Variants in SPATA31E1 observed in about 807,000 individuals in gnomAD.
SPATA31E1 encodes the protein SPATA31 subfamily E member 1.
SPATA31E1 carries 7 observed loss-of-function variants against 12.9 expected under a neutral mutation model. That is an observed-to-expected ratio of 0.54 (90% CI 0.31 to 1.02). SPATA31E1 has a LOEUF of 1.02. Ranked by LOEUF, SPATA31E1 falls within the 50% of genes least tolerant of loss-of-function variation. The pLI is 0.05. For synonymous variants in SPATA31E1, 771 were observed against 719.0 expected, an observed-to-expected ratio of 1.07 and a Z score of -1.16; for missense variants, 1,961 against 1,799.8, an observed-to-expected ratio of 1.09 and a Z score of -1.62.
At position 87,886,432 on chromosome 9, in the gene SPATA31E1, G is replaced by A. The variant is rs1024026592; in HGVS notation, c.1945G>A (p.Ala649Thr). 4 of 1,613,922 alleles carry A rather than the reference G, an allele frequency of 2.5e-6. No individual in the cohort carries two copies. The highest frequency in any genetic ancestry group is 8.5e-7 in the Non-Finnish European group (1 of 1,179,990). Residue 649 changes from alanine (A) to threonine (T), a missense_variant, in exon 4 of 4, where the codon GCA (alanine) becomes ACA (threonine). Transcript: ENST00000325643. The part of the protein sequence containing the change: ...QSCGPPSRLQ[A>T]SGDLLQPDGE... Reference sequence around the variant, plus strand: ...CTGTGGCCCTCCCAGCAGATTGCAGGCATCTGGGGACCTGCTACAGCCTGA... The same window carrying A: ...CTGTGGCCCTCCCAGCAGATTGCAGACATCTGGGGACCTGCTACAGCCTGA...
chr9:87,882,909 C>T lies in SPATA31E1; in HGVS notation c.18C>T (p.Ile6=). ...TGAAGGCGATGGGAAATCTCGTCAT[C>T]CCTCTAGGGAAGGGCAGGGCAGGCA... MGNLV[I]PLGKGRAGRV... is the part of the protein sequence containing the mutation. The change falls in exon 1 of 4, where the codon ATC becomes ATT. Residue 6 remains isoleucine, a synonymous_variant. Transcript: ENST00000325643. 6.2e-7 allele frequency: 1 copy of T among 1,611,660 alleles called. No homozygotes were observed.
rs771212044 is a variant in SPATA31E1, at chr9:87,887,964, G to A, written c.3477G>A (p.Lys1159=). ...PLSTSQSVSG[K]NMTASQGPCA... is the part of the protein sequence containing the mutation. ...CCACCTCCCAGAGTGTGTCTGGTAA[G>A]AACATGACAGCTTCCCAGGGGCCAT... is the stretch of plus-strand genomic sequence containing the variant. Residue 1159 remains lysine, a synonymous_variant, in exon 4 of 4, where the codon AAG becomes AAA. Coordinates refer to ENST00000325643, the MANE Select transcript of SPATA31E1 (RefSeq NM_178828.5). 6.2e-7 allele frequency: 1 copy of A among 1,613,880 alleles called. No homozygotes were observed. Among genetic ancestry groups the A allele is most frequent in the Non-Finnish European group, 8.5e-7 (1 of 1,180,042 alleles).
Position 87,888,889 on chromosome 9 carries a change from T to C in SPATA31E1, c.*64T>C. The C allele has an allele frequency of 1.4e-6, 2 of 1,450,286 alleles. No homozygotes were observed. Among genetic ancestry groups the C allele is most frequent in the Non-Finnish European group, 1.8e-6 (2 of 1,094,324 alleles). The allele number at this position is 1,450,286 out of a possible 1,614,324, so 89.8% of individuals were successfully genotyped here. A position where few individuals can be genotyped will look rare whatever the true frequency, so the allele number is the denominator to read the frequency against. ...GGGGGTTCTACTCAAATAAAACTGA[T>C]GCCTACACAATAAACCTGTCCTGCG... On this transcript the variant is annotated 3_prime_UTR_variant, in exon 4 of 4. Coordinates refer to ENST00000325643, the MANE Select transcript of SPATA31E1 (RefSeq NM_178828.5).
At position 87,888,858 on chromosome 9, in the gene SPATA31E1, G is replaced by C; in HGVS notation, c.*33G>C. 1.3e-6 allele frequency: 2 copies of C among 1,541,982 alleles called. No homozygotes were observed. The highest frequency in any genetic ancestry group is 1.7e-6 in the Non-Finnish European group (2 of 1,149,296). ...CAGTCTTCTTGCATGTCTCCTGGGG[G>C]AGACAGGGGGTTCTACTCAAATAAA... On this transcript the variant is annotated 3_prime_UTR_variant, in exon 4 of 4. Coordinates refer to ENST00000325643, the MANE Select transcript of SPATA31E1 (RefSeq NM_178828.5).
rs766076137 is a variant in SPATA31E1, at chr9:87,885,802, CT to C, written c.1319del (p.Phe440SerfsTer132). 1.1e-5 allele frequency: 17 copies of C among 1,613,884 alleles called. No homozygotes were observed. Among genetic ancestry groups the C allele is most frequent in the Non-Finnish European group, 1.7e-6 (2 of 1,180,052 alleles). Reference sequence around the variant, plus strand: ...CCACTTACAGCAGAAACGCAGCCAGCTTTTCTGGGACCTCCCCTCTCTCAAT... The same window carrying C: ...CCACTTACAGCAGAAACGCAGCCAGCTTTCTGGGACCTCCCCTCTCTCAAT... The part of the protein sequence containing the change: ...GNHLQQKRSQ[L>X]FWDLPSLNSE... On this transcript the variant is annotated frameshift_variant, in exon 4 of 4. Transcript: ENST00000325643. LOFTEE classifies it low-confidence loss of function (END_TRUNC).
In SPATA31E1 at chr9:87,886,156, C is replaced by T; in HGVS notation, c.1669C>T (p.Gln557Ter). Residue 557 changes from glutamine to a stop codon, truncating the protein, a stop_gained, in exon 4 of 4, where the codon CAG becomes TAG. Coordinates refer to ENST00000325643, the MANE Select transcript of SPATA31E1 (RefSeq NM_178828.5). LOFTEE classifies it low-confidence loss of function (END_TRUNC). ...TTACCCTACATCCCAGGAGAGGACA[C>T]AGTCTGTCATCCCCACTGGAAAGGA... ...ASYPTSQERT[Q>*]SVIPTGKEYL... 6.2e-7 allele frequency: 1 copy of T among 1,604,234 alleles called. No individual in the cohort carries two copies. Among genetic ancestry groups the T allele is most frequent in the Non-Finnish European group, 8.5e-7 (1 of 1,173,856 alleles).
At chr9:87,883,284 A>G in intron 1 of SPATA31E1, 84 bp downstream of exon 1, 1 of 1,412,482 alleles carries the variant, frequency 7.1e-7, no homozygotes, top group Non-Finnish European at 9.5e-7. Flanking sequence ...AAGCAATGTG[A>G]GACCCTTCTG....
Position 87,888,094 on chromosome 9 carries a change from A to G in SPATA31E1, c.3607A>G (p.Lys1203Glu). The change falls in exon 4 of 4, where the codon AAG becomes GAG. Residue 1203 changes from lysine (K) to glutamate (E), a missense_variant. Physicochemically the swap from Lys to Glu is moderately conservative, Grantham distance 56. Coordinates refer to ENST00000325643, the MANE Select transcript of SPATA31E1 (RefSeq NM_178828.5). ...TCAGAAGACGCTGGGCTGTGCGGACAAGGGCGAGGCCCACAGGAGGCCCAG... is the reference window on the plus strand; with the variant it reads ...TCAGAAGACGCTGGGCTGTGCGGACGAGGGCGAGGCCCACAGGAGGCCCAG... ...KSQKTLGCAD[K>E]GEAHRRPRTG... is the part of the protein sequence containing the mutation. 1 of 1,601,868 alleles carries G rather than the reference A, an allele frequency of 6.2e-7. No individual in the cohort carries two copies. The highest frequency in any genetic ancestry group is 8.5e-7 in the Non-Finnish European group (1 of 1,174,058).
In SPATA31E1 at chr9:87,885,070, C is replaced by G. The variant is rs778772643; in HGVS notation, c.583C>G (p.Pro195Ala). 2 of 1,614,206 alleles carry G rather than the reference C, an allele frequency of 1.2e-6. No individual in the cohort carries two copies. The highest frequency in any genetic ancestry group is 8.5e-7 in the Non-Finnish European group (1 of 1,180,022). ...TGCCAGCTTGTCCCCACCAGCTCCC[C>G]CAGCTCCTCTGGCCTCCACCCTGTC... ...SPASLSPPAP[P>A]APLASTLSPG... Residue 195 changes from proline to alanine, a missense_variant, in exon 4 of 4, where the codon CCA becomes GCA. Pro to Ala is a conservative substitution (Grantham distance 27, BLOSUM62 -1). Transcript: ENST00000325643.
chr9:87,883,755 G>A (rs1240431547), intron 1 of SPATA31E1, among the ~76,000 whole-genome samples: 1 of 152,254 alleles, frequency 6.6e-6, no homozygotes, highest in African/African-American at 2.4e-5. Context: ...TTGAGCGGAG[G>A]AGCAGGGACT....
In SPATA31E1 at chr9:87,888,303, G is replaced by C. The variant is rs774912250; in HGVS notation, c.3816G>C (p.Gln1272His). The C allele has an allele frequency of 1.2e-6, 2 of 1,613,980 alleles. No individual in the cohort carries two copies. The highest frequency in any genetic ancestry group is 2.7e-5 in the African/African-American group (2 of 74,912). ...AGAGAAAGATCAGTCACCATCCACA[G>C]GGTCTACACCCCAGGAAAGGAGGCA... ...HFQRKISHHP[Q>H]GLHPRKGGTR... Residue 1272 changes from glutamine to histidine, a missense_variant, in exon 4 of 4, where the codon CAG becomes CAC. Transcript: ENST00000325643.
Position 87,887,732 on chromosome 9 carries a change from G to T in SPATA31E1, c.3245G>T (p.Cys1082Phe). 6.2e-7 allele frequency: 1 copy of T among 1,614,114 alleles called. No homozygotes were observed. The highest frequency in any genetic ancestry group is 8.5e-7 in the Non-Finnish European group (1 of 1,180,034). ...TTGNPSASSV[C>F]VAQDPEQLHL... is the part of the protein sequence containing the mutation. ...GGTAACCCCTCAGCGTCTTCAGTCTGTGTTGCTCAGGATCCAGAGCAGCTG... is the reference window on the plus strand; with the variant it reads ...GGTAACCCCTCAGCGTCTTCAGTCTTTGTTGCTCAGGATCCAGAGCAGCTG... The change falls in exon 4 of 4, where the codon TGT becomes TTT. Residue 1082 changes from cysteine to phenylalanine, a missense_variant. Coordinates refer to ENST00000325643, the MANE Select transcript of SPATA31E1 (RefSeq NM_178828.5).
In SPATA31E1 at chr9:87,888,669, C is replaced by T. The variant is rs141469154; in HGVS notation, c.4182C>T (p.Gly1394=). The T allele has an allele frequency of 5.1e-3, 8,188 of 1,614,102 alleles. 28 individuals carry two copies. The highest frequency in any genetic ancestry group is 6.4e-3 in the Non-Finnish European group (7,598 of 1,180,016). Residue 1394 remains glycine (G), a synonymous_variant, in exon 4 of 4, where the codon GGC becomes GGT. Transcript: ENST00000325643. The part of the protein sequence containing the change: ...KGHHCPVKNR[G]IRDRDSSWAP... The stretch of plus-strand genomic sequence containing the variant: ...ACCACTGTCCTGTCAAAAACAGGGG[C>T]ATCAGAGACAGAGACAGCAGTTGGG...
At position 87,884,968 on chromosome 9, in the gene SPATA31E1, C is replaced by T. The variant is rs754746565; in HGVS notation, c.481C>T (p.Pro161Ser). 1 of 1,613,888 alleles carries T rather than the reference C, an allele frequency of 6.2e-7. No individual in the cohort carries two copies. Among genetic ancestry groups the T allele is most frequent in the Non-Finnish European group, 8.5e-7 (1 of 1,179,962 alleles). ...GSSHLPLGGD[P>S]LGDVCKPVPA... is the part of the protein sequence containing the mutation. ...CTCCCACCTGCCCTTAGGTGGAGAC[C>T]CCCTGGGGGACGTGTGTAAACCAGT... Residue 161 changes from proline to serine, a missense_variant, in exon 4 of 4, where the codon CCC becomes TCC. Transcript: ENST00000325643.
At position 87,886,579 on chromosome 9, in the gene SPATA31E1, A is replaced by G. The variant is rs763896290; in HGVS notation, c.2092A>G (p.Ser698Gly). The G allele has an allele frequency of 6.2e-7, 1 of 1,613,986 alleles. No individual in the cohort carries two copies. Among genetic ancestry groups the G allele is most frequent in the Non-Finnish European group, 8.5e-7 (1 of 1,179,994 alleles). The change falls in exon 4 of 4, where the codon AGC (serine) becomes GGC (glycine). Residue 698 changes from serine to glycine, a missense_variant. Coordinates refer to ENST00000325643, the MANE Select transcript of SPATA31E1 (RefSeq NM_178828.5). Reference protein sequence around the residue: ...RKDVQKTGFRSSGRFSDKGCL... With the variant: ...RKDVQKTGFRGSGRFSDKGCL... ...GGATGTGCAGAAGACCGGGTTCAGG[A>G]GCTCCGGAAGGTTCTCTGACAAGGG... is the stretch of plus-strand genomic sequence containing the variant.
chr9:87,884,489 G>C (rs554774274), intron 2 of SPATA31E1, 102 bp from the exon 3 acceptor site: 5 of 1,227,424 alleles, frequency 4.1e-6, no homozygotes, highest in Non-Finnish European at 6.0e-6. Context: ...AGGGCTTCAG[G>C]GTCTAGTCCC....
In SPATA31E1 at chr9:87,885,499, G is replaced by A. The variant is rs551533016; in HGVS notation, c.1012G>A (p.Ala338Thr). 5.6e-6 allele frequency: 9 copies of A among 1,614,116 alleles called. No homozygotes were observed. The highest frequency in any genetic ancestry group is 2.2e-5 in the East Asian group (1 of 44,864). ...PRHLPDHTSE[A>T]SFWGDPTPKH... ...GCATCTTCCCGACCACACCTCAGAGGCTTCCTTCTGGGGAGACCCCACACC... is the reference window on the plus strand; with the variant it reads ...GCATCTTCCCGACCACACCTCAGAGACTTCCTTCTGGGGAGACCCCACACC... The change falls in exon 4 of 4, where the codon GCT becomes ACT. Residue 338 changes from alanine to threonine, a missense_variant. Ala to Thr is a moderately conservative substitution (Grantham distance 58). Coordinates refer to ENST00000325643, the MANE Select transcript of SPATA31E1 (RefSeq NM_178828.5).
chr9:87,883,981 T>G lies in SPATA31E1; in HGVS notation c.310-11T>G. ...ACTGGTCCCAGCCCCTCATCCTTTC[T>G]TGCCTCTCAGCCTCAAAGGGAGAGA... On this transcript the variant is annotated splice_polypyrimidine_tract_variant and intron_variant, in intron 1 of 3. Transcript: ENST00000325643. The G allele has an allele frequency of 6.2e-7, 1 of 1,603,530 alleles. No individual in the cohort carries two copies. The highest frequency in any genetic ancestry group is 8.5e-7 in the Non-Finnish European group (1 of 1,174,182).
chr9:87,888,172 G>A lies in SPATA31E1; in HGVS notation c.3685G>A (p.Gly1229Arg). The stretch of plus-strand genomic sequence containing the variant: ...GGGACCCAGGACCTCTGAAGCCAGT[G>A]GGAGGAGCCACCCTGCCCAAGCCAG... Reference protein sequence around the residue: ...SKGPRTSEASGRSHPAQAREI... With the variant: ...SKGPRTSEASRRSHPAQAREI... The change falls in exon 4 of 4, where the codon GGG becomes AGG. Residue 1229 changes from glycine (G) to arginine (R), a missense_variant. Transcript: ENST00000325643. The A allele has an allele frequency of 5.0e-6, 8 of 1,613,228 alleles. No individual in the cohort carries two copies. The highest frequency in any genetic ancestry group is 6.8e-6 in the Non-Finnish European group (8 of 1,179,796).
Sources: allele counts gnomAD v4.1 joint callset (sites outside exome capture counted in the v4.1 genomes callset), GRCh38; gene constraint gnomAD v4.1.1; transcripts MANE v1.5; gene names NCBI Gene and HGNC (gene_info 2026-07-23, HGNC 2026-07-21).